BRF1: variants seen among roughly 807,000 people sequenced by gnomAD.
The protein encoded by BRF1 is transcription factor IIIB 90 kDa subunit.
A neutral mutation model predicts 81.7 loss-of-function variants in BRF1; 59 were observed. That is an observed-to-expected ratio of 0.72 (90% confidence interval 0.59 to 0.90). The LOEUF (loss-of-function observed/expected upper bound fraction) is 0.90, where lower values mean the gene tolerates loss of function less well. BRF1 is among the 40% of genes least tolerant of loss of function. The pLI, the probability that BRF1 is intolerant of heterozygous loss-of-function variation, is 0.00. For synonymous variants in BRF1, 491 were observed against 395.6 expected (o/e 1.24, Z -2.86); for missense variants, 1,050 against 936.3 (o/e 1.12, Z -1.58).
At chr14:105,242,229 A>T (rs903220522) in intron 5 of BRF1, 55 of 152,296 alleles carry the variant, frequency 3.6e-4, no homozygotes, top group African/African-American at 1.1e-3. Flanking sequence ...TACACACTGC[A>T]TGAACGCATC....
chr14:105,280,094 G>A (rs1566860623), intron 2 of BRF1, among the ~76,000 whole-genome samples: 1 of 152,206 alleles, frequency 6.6e-6, no homozygotes, highest in Non-Finnish European at 1.5e-5. Context: ...AAACCTGCAC[G>A]TGACGTTTAC....
intron 5 of BRF1, among the ~76,000 whole-genome samples, chr14:105,243,687 T>G (rs1443343248): frequency 6.6e-6 from 1 of 151,920 alleles, no homozygotes; most frequent in Non-Finnish European, 1.5e-5. Context: ...GAAAACTCAT[T>G]TCAAAAACAC....
chr14:105,300,165 G>A lies in BRF1; in HGVS notation c.184+281C>T, dbSNP rs908226744. Among the ~76,000 whole-genome samples the A allele has an allele frequency of 5.9e-5, 9 of 152,370 alleles. No individual in the cohort carries two copies. In the East Asian group the frequency reaches 1.4e-3, roughly 23 times the overall value. ...GTGACAGTGAGGGGCAGCTTGAGGGGCCTTCTGGGCTCCCCAGGCTCTCTT... is the reference window on the plus strand; with the variant it reads ...GTGACAGTGAGGGGCAGCTTGAGGGACCTTCTGGGCTCCCCAGGCTCTCTT... On this transcript the variant is annotated intron_variant, in intron 1 of 17. Coordinates refer to ENST00000547530, the MANE Select transcript of BRF1 (RefSeq NM_001519.4).
intron 7 of BRF1, chr14:105,227,391 G>C (rs1039645202): frequency 3.3e-5 from 5 of 152,596 alleles, no homozygotes; most frequent in African/African-American, 1.2e-4. Flanking sequence ...CTGTACTCCA[G>C]CCTGGGCGGC....
chr14:105,301,790 G>T (rs757885734), upstream of BRF1, among the ~76,000 whole-genome samples: 5 of 151,814 alleles, frequency 3.3e-5, no homozygotes, highest in African/African-American at 7.3e-5. Flanking sequence ...AATATCTGCA[G>T]GTGCTGTTCA....
chr14:105,249,163 G>T, intron 5 of BRF1: 1 of 1,579,514 alleles, frequency 6.3e-7, no homozygotes, highest in Non-Finnish European at 8.5e-7. Context: ...GCAGGAACGC[G>T]CTCATGTTCA....
At chr14:105,212,228 C>T in intron 15 of BRF1, 64 bp from the exon 16 acceptor site, 1 of 1,562,266 alleles carries the variant, frequency 6.4e-7, no homozygotes, top group Non-Finnish European at 8.7e-7. Context: ...CCACTTGTTC[C>T]CTTTTGCCCA....
chr14:105,241,628 C>G, intron 5 of BRF1: 1 of 636,990 alleles, frequency 1.6e-6, no homozygotes, highest in South Asian at 1.9e-5. Context: ...CTGCTGCCAG[C>G]CAGCCTGCTG....
intron 3 of BRF1, among the ~76,000 whole-genome samples, chr14:105,270,376 G>A (rs2056605294): frequency 6.6e-6 from 1 of 151,778 alleles, no homozygotes; most frequent in South Asian, 2.1e-4. Flanking sequence ...GGGGTTTCAT[G>A]GTGTTAGACA....
At chr14:105,211,851 A>T (rs1325187836) in intron 16 of BRF1, 1 of 530,516 alleles carries the variant, frequency 1.9e-6, no homozygotes, top group Non-Finnish European at 3.4e-6. Flanking sequence ...CCAGGCCCAC[A>T]GCAAGGCTGC....
intron 5 of BRF1, chr14:105,250,643 C>G: frequency 6.2e-7 from 1 of 1,612,278 alleles, no homozygotes; most frequent in Non-Finnish European, 8.5e-7. Context: ...CCAGGGTGGG[C>G]AGATCCCTGA....
intron 10 of BRF1, among the ~76,000 whole-genome samples, chr14:105,223,994 G>A (rs1469988953): frequency 3.3e-5 from 5 of 152,150 alleles, no homozygotes; most frequent in Non-Finnish European, 5.9e-5. Context: ...AGCCAATCAC[G>A]AATGAACGTT....
At chr14:105,245,545 A>C (rs2055032424) in intron 5 of BRF1, among the ~76,000 whole-genome samples, 2 of 151,922 alleles carry the variant, frequency 1.3e-5, no homozygotes, top group South Asian at 4.2e-4. Flanking sequence ...TGCTGACATA[A>C]AGACAGACCT....
intron 6 of BRF1, 59 bp from the exon 7 acceptor site, chr14:105,228,972 G>T: frequency 1.3e-6 from 2 of 1,502,040 alleles, no homozygotes; most frequent in South Asian, 2.2e-5. Flanking sequence ...CAACATCTGT[G>T]GCGGCCCAGG....
intron 5 of BRF1, among the ~76,000 whole-genome samples, chr14:105,244,399 T>C (rs1275846199): frequency 6.6e-6 from 1 of 152,160 alleles, no homozygotes; most frequent in Non-Finnish European, 1.5e-5. Context: ...AGCCATGACC[T>C]TGCCACTGCA....
At chr14:105,306,225 T>G (rs2058182146) in intron 1 of BRF1, among the ~76,000 whole-genome samples, 1 of 152,202 alleles carries the variant, frequency 6.6e-6, no homozygotes, top group Admixed American at 6.5e-5. Context: ...AGGACACGCC[T>G]AGGCACCTGC....
intron 1 of BRF1, among the ~76,000 whole-genome samples, chr14:105,311,665 A>G (rs1803161076): frequency 6.6e-6 from 1 of 152,132 alleles, no homozygotes; most frequent in African/African-American, 2.4e-5. Context: ...GGTTGATTCC[A>G]GGCCTCACTC....
At chr14:105,289,983 T>C (rs1329288840) in intron 1 of BRF1, among the ~76,000 whole-genome samples, 1 of 152,202 alleles carries the variant, frequency 6.6e-6, no homozygotes, top group South Asian at 2.1e-4. Flanking sequence ...GTGTAGCCCC[T>C]GGCATGCTGG....
At chr14:105,245,971 A>T (rs1214623695) in intron 5 of BRF1, among the ~76,000 whole-genome samples, 1 of 152,244 alleles carries the variant, frequency 6.6e-6, no homozygotes, top group African/African-American at 2.4e-5. Context: ...ATCTATTAAC[A>T]GAAATGATAT....
Sources: gnomAD v4.1 joint callset for allele counts (sites outside exome capture counted in the v4.1 genomes callset) on GRCh38, gnomAD v4.1.1 for gene constraint, MANE v1.5 for transcripts, NCBI Gene and HGNC (gene_info 2026-07-23, HGNC 2026-07-21) for gene names.